OR2L13: variants seen among roughly 807,000 people sequenced by gnomAD.
The protein encoded by OR2L13 is olfactory receptor family 2 subfamily L member 13.
OR2L13 carries 14 observed loss-of-function variants against 15.3 expected under a neutral mutation model. The ratio of observed to expected loss-of-function variants is 0.91; its 90% CI spans 0.60 to 1.43. The LOEUF (loss-of-function observed/expected upper bound fraction) is 1.43. Ranked by LOEUF, OR2L13 falls within the 40% of genes most tolerant of loss-of-function variation. The pLI is 0.00. For missense variants in OR2L13, 367 were observed against 387.9 expected, an observed-to-expected ratio of 0.95 and a Z score of 0.45; for synonymous variants, 152 against 142.9, an observed-to-expected ratio of 1.06 and a Z score of -0.45.
the OR2L13 span, among the ~76,000 whole-genome samples, chr1:248,017,081 A>T: frequency 1.3e-5 from 2 of 152,168 alleles, no homozygotes; most frequent in Non-Finnish European, 2.9e-5. Flanking sequence ...TGAAACTATC[A>T]TCGGAATCTT....
At chr1:248,048,156 G>A in the OR2L13 span, among the ~76,000 whole-genome samples, 7 of 152,110 alleles carry the variant, frequency 4.6e-5, no homozygotes, top group African/African-American at 1.7e-4. Flanking sequence ...ACTTACCTGT[G>A]TATCTATCTG....
At chr1:248,085,412 A>G in the OR2L13 span, among the ~76,000 whole-genome samples, 2 of 59,694 alleles carry the variant, frequency 3.4e-5, no homozygotes, top group South Asian at 1.6e-3. Context: ...ATAAAATAAA[A>G]TAAAATAATA....
At chr1:248,058,837 T>A in the OR2L13 span, among the ~76,000 whole-genome samples, 2 of 152,104 alleles carry the variant, frequency 1.3e-5, no homozygotes, top group African/African-American at 4.8e-5. Context: ...CCCTACTTTT[T>A]TTATCTTTCC....
the OR2L13 span, among the ~76,000 whole-genome samples, chr1:247,994,171 CG>C: frequency 1.3e-5 from 2 of 152,010 alleles, no homozygotes; most frequent in African/African-American, 4.8e-5. Flanking sequence ...CCGAGGCGGG[CG>C]GATCACAGGG....
chr1:247,969,898 G>A, the OR2L13 span, among the ~76,000 whole-genome samples: 2 of 152,144 alleles, frequency 1.3e-5, no homozygotes, highest in African/African-American at 4.8e-5. Context: ...TTATTGCTAA[G>A]ACTCTGAGAC....
At chr1:248,096,598 G>T (rs186316715), upstream of OR2L13, among the ~76,000 whole-genome samples, 16 of 152,298 alleles carry the variant, frequency 1.1e-4, no homozygotes, top group Admixed American at 8.5e-4. Context: ...ACAGAACTGT[G>T]AATTCTCTTT....
At chr1:248,016,564 A>G in the OR2L13 span, among the ~76,000 whole-genome samples, 1 of 152,116 alleles carries the variant, frequency 6.6e-6, no homozygotes. Flanking sequence ...TTTAGCATCT[A>G]TAATGATTAT....
chr1:248,093,887 T>C (rs1244677868), upstream of OR2L13, among the ~76,000 whole-genome samples: 1 of 152,072 alleles, frequency 6.6e-6, no homozygotes, highest in Non-Finnish European at 1.5e-5. Flanking sequence ...ATAATAAATA[T>C]AGTAGAATGA....
chr1:248,070,972 T>A, the OR2L13 span, among the ~76,000 whole-genome samples: 1 of 152,150 alleles, frequency 6.6e-6, no homozygotes. Flanking sequence ...TCTGAAATTG[T>A]GGCAATAATC....
the OR2L13 span, among the ~76,000 whole-genome samples, chr1:247,942,733 A>ATG: frequency 6.6e-6 from 1 of 152,176 alleles, no homozygotes; most frequent in East Asian, 1.9e-4. Context: ...AAATATATAT[A>ATG]AGAGAAACAC....
the OR2L13 span, among the ~76,000 whole-genome samples, chr1:248,079,342 C>CA: frequency 6.6e-6 from 1 of 151,690 alleles, no homozygotes; most frequent in African/African-American, 2.4e-5. Flanking sequence ...AATAATAAAG[C>CA]AAAAAAGTTA....
chr1:248,099,467 T>C, exon 3 of OR2L13: 1 of 1,613,688 alleles, frequency 6.2e-7, no homozygotes, highest in East Asian at 2.2e-5. Flanking sequence ...TGCCTTATCA[T>C]CCTCATATTC....
chr1:248,023,487 A>C, the OR2L13 span: 1 of 152,236 alleles, frequency 6.6e-6, no homozygotes, highest in East Asian at 1.9e-4. Flanking sequence ...ACTTAGTTGA[A>C]TGTGGAGTAG....
chr1:248,055,820 G>T, the OR2L13 span: 3 of 152,316 alleles, frequency 2.0e-5, no homozygotes, highest in East Asian at 5.8e-4. Context: ...CTTTTCAATT[G>T]TTTGGAAAAG....
upstream of OR2L13, among the ~76,000 whole-genome samples, chr1:248,091,551 T>C (rs1664596963): frequency 6.6e-6 from 1 of 152,120 alleles, no homozygotes; most frequent in South Asian, 2.1e-4. Flanking sequence ...CATTTCCCCA[T>C]TGATTATTTT....
chr1:248,022,023 C>G, the OR2L13 span: 1 of 1,613,850 alleles, frequency 6.2e-7, no homozygotes, highest in Non-Finnish European at 8.5e-7. Context: ...TGGCCTTTTC[C>G]TCTTCATTCT....
chr1:248,064,354 C>T, the OR2L13 span, among the ~76,000 whole-genome samples: 1 of 152,054 alleles, frequency 6.6e-6, no homozygotes, highest in Non-Finnish European at 1.5e-5. Context: ...TAGAAGCCAT[C>T]GTCTATGAAC....
chr1:247,950,890 ATATTAAAAAATAACTGAAAG>A, the OR2L13 span, among the ~76,000 whole-genome samples: 1 of 152,144 alleles, frequency 6.6e-6, no homozygotes, highest in African/African-American at 2.4e-5. Context: ...TATATTGTAT[ATATTAAAAAATAACTGAAAG>A]TTTGGAATTG....
At chr1:248,026,617 G>A in the OR2L13 span, among the ~76,000 whole-genome samples, 1 of 152,148 alleles carries the variant, frequency 6.6e-6, no homozygotes, top group Non-Finnish European at 1.5e-5. Flanking sequence ...CGAATGGAGG[G>A]ACCGGCTGAA....
Sources: allele counts gnomAD v4.1 joint callset (sites outside exome capture counted in the v4.1 genomes callset), GRCh38; gene constraint gnomAD v4.1.1; transcripts MANE v1.5; gene names NCBI Gene and HGNC (gene_info 2026-07-23, HGNC 2026-07-21).